The following GUCY1A2 variants were observed in gnomAD, a reference collection of about 807,000 sequenced individuals.
GUCY1A2 encodes guanylate cyclase soluble subunit alpha-2.
GUCY1A2 carries 27 observed loss-of-function variants against 63.5 expected under a neutral mutation model. The ratio of observed to expected loss-of-function variants is 0.43; its 90% CI spans 0.31 to 0.59. GUCY1A2 has a LOEUF of 0.59. Among genes scored for constraint, GUCY1A2 ranks in the 20% least tolerant of loss-of-function variants. The pLI is 0.11. For missense variants in GUCY1A2, 768 were observed against 913.3 expected (o/e 0.84, Z 2.05); for synonymous variants, 364 against 343.5 (o/e 1.06, Z -0.66).
chr11:106,983,109 T>A (rs80074842), intron 2 of GUCY1A2, among the ~76,000 whole-genome samples: 4,675 of 152,264 alleles, frequency 0.031, 86 homozygotes, highest in Middle Eastern at 0.041. Flanking sequence ...GAAGGTGGCA[T>A]GATGTAATTT....
At chr11:106,879,990 C>A (rs1859801956) in intron 4 of GUCY1A2, among the ~76,000 whole-genome samples, 1 of 151,844 alleles carries the variant, frequency 6.6e-6, no homozygotes, top group Non-Finnish European at 1.5e-5. Flanking sequence ...TAACCATACC[C>A]TTAGAATGAC....
At chr11:106,826,928 T>A in intron 4 of GUCY1A2, 5 of 1,609,776 alleles carry the variant, frequency 3.1e-6, no homozygotes, top group Non-Finnish European at 4.2e-6. Context: ...AAAGGTTCTA[T>A]ATTCGGTGTA....
At chr11:106,950,915 T>C (rs79831061) in intron 3 of GUCY1A2, among the ~76,000 whole-genome samples, 2,677 of 152,254 alleles carry the variant, frequency 0.018, 81 homozygotes, top group African/African-American at 0.061. Flanking sequence ...CAACAGGCCA[T>C]GGTGTGTGTT....
chr11:106,716,423 G>A (rs1863214321), intron 6 of GUCY1A2, among the ~76,000 whole-genome samples: 1 of 152,122 alleles, frequency 6.6e-6, no homozygotes, highest in Admixed American at 6.5e-5. Context: ...ACACAGTGCA[G>A]ACTTTATATC....
At chr11:106,892,333 T>C (rs1463970887) in intron 4 of GUCY1A2, among the ~76,000 whole-genome samples, 3 of 152,126 alleles carry the variant, frequency 2.0e-5, no homozygotes, top group Non-Finnish European at 4.4e-5. Context: ...TTTCAGATCT[T>C]TCTCTCATAT....
Position 106,810,104 on chromosome 11 carries a change from A to G in GUCY1A2, c.1581T>C (p.Ile527=). 6.2e-6 allele frequency: 10 copies of G among 1,613,920 alleles called. No individual in the cohort carries two copies. Among genetic ancestry groups the G allele is most frequent in the Non-Finnish European group, 8.5e-6 (10 of 1,179,852 alleles). Residue 527 remains isoleucine, a synonymous_variant, in exon 5 of 8, where the codon ATT becomes ATC. Transcript: ENST00000526355. ...FDDVTMLFSD[I]VGFTAICAQC... is the part of the protein sequence containing the mutation. ...GGGCACATATGGCTGTGAAGCCAAC[A>G]ATGTCTGAAAAGAGCATGGTGACAT... is the stretch of plus-strand genomic sequence containing the variant.
At chr11:106,850,443 C>G (rs1859336896) in intron 4 of GUCY1A2, among the ~76,000 whole-genome samples, 1 of 151,736 alleles carries the variant, frequency 6.6e-6, no homozygotes, top group South Asian at 2.1e-4. Context: ...ACACCAGAAC[C>G]CATTCCACCT....
At chr11:106,801,366 T>G (rs895039165) in intron 5 of GUCY1A2, among the ~76,000 whole-genome samples, 1 of 152,140 alleles carries the variant, frequency 6.6e-6, no homozygotes, top group Non-Finnish European at 1.5e-5. Context: ...CTCTGGTAAT[T>G]TGTCAAAGTT....
intron 4 of GUCY1A2, among the ~76,000 whole-genome samples, chr11:106,910,297 T>C (rs1297488935): frequency 1.3e-5 from 2 of 151,960 alleles, no homozygotes; most frequent in Non-Finnish European, 2.9e-5. Context: ...TCAAAATGCA[T>C]GTAAAGGGCC....
chr11:106,958,723 CTA>C (rs1485595643), intron 3 of GUCY1A2, among the ~76,000 whole-genome samples: 1 of 152,042 alleles, frequency 6.6e-6, no homozygotes, highest in Non-Finnish European at 1.5e-5. Context: ...AATAGGAAGT[CTA>C]TTTCAGATAA....
intron 5 of GUCY1A2, among the ~76,000 whole-genome samples, chr11:106,801,982 T>C (rs967930257): frequency 1.3e-5 from 2 of 152,180 alleles, no homozygotes; most frequent in African/African-American, 4.8e-5. Context: ...TACAAGTAAA[T>C]GTGAATTCTG....
intron 3 of GUCY1A2, among the ~76,000 whole-genome samples, chr11:106,951,810 C>T (rs1011060328): frequency 1.3e-5 from 2 of 152,100 alleles, no homozygotes; most frequent in South Asian, 4.1e-4. Context: ...AAGTCTTTGC[C>T]CATGCCAATG....
At chr11:106,756,222 AT>A in intron 6 of GUCY1A2, among the ~76,000 whole-genome samples, 1 of 152,030 alleles carries the variant, frequency 6.6e-6, no homozygotes, top group Non-Finnish European at 1.5e-5. Flanking sequence ...CCATCCCTTT[AT>A]TTTGAACCTA....
Position 106,687,472 on chromosome 11 carries a change from A to ATTGTG in GUCY1A2, c.*76_*77insCACAA. On this transcript the variant is annotated 3_prime_UTR_variant, in exon 8 of 8. Transcript: ENST00000526355. ...TCAACAAAGCAATGAAAGAGACACAATCTCTTTCCACCCCCCATTGGTGAC... is the reference window on the plus strand; with the variant it reads ...TCAACAAAGCAATGAAAGAGACACAATTGTGTCTCTTTCCACCCCCCATTGGTGAC... 1 of 1,027,446 alleles carries ATTGTG rather than the reference A, an allele frequency of 9.7e-7. No individual in the cohort carries two copies. The highest frequency in any genetic ancestry group is 1.5e-6 in the Non-Finnish European group (1 of 658,010). The allele number at this position is 1,027,446 out of a possible 1,614,324, so 63.6% of individuals were successfully genotyped here.
chr11:106,804,010 C>T (rs1416656902), intron 5 of GUCY1A2, among the ~76,000 whole-genome samples: 2 of 152,220 alleles, frequency 1.3e-5, no homozygotes, highest in Non-Finnish European at 2.9e-5. Flanking sequence ...TTATCTGTGA[C>T]TTTCACCTTA....
chr11:106,925,225 CA>C (rs1285078109), intron 4 of GUCY1A2, among the ~76,000 whole-genome samples: 3 of 151,958 alleles, frequency 2.0e-5, no homozygotes, highest in Non-Finnish European at 4.4e-5. Context: ...AGATTTCAAC[CA>C]GAAACTGAAA....
chr11:106,816,827 A>G (rs1215432922), intron 4 of GUCY1A2, among the ~76,000 whole-genome samples: 1 of 152,016 alleles, frequency 6.6e-6, no homozygotes, highest in East Asian at 1.9e-4. Context: ...AAACAGCTTT[A>G]CATTAAAAAA....
At chr11:107,015,332 C>A (rs2445114) in intron 1 of GUCY1A2, among the ~76,000 whole-genome samples, 51,351 of 151,808 alleles carry the variant, frequency 0.34, 9,678 homozygotes, top group Admixed American at 0.48. Context: ...TTCTGAAAAC[C>A]ATTCTCTGGA....
chr11:106,801,042 A>C (rs1172592706), intron 5 of GUCY1A2, among the ~76,000 whole-genome samples: 3 of 152,088 alleles, frequency 2.0e-5, no homozygotes, highest in African/African-American at 7.2e-5. Flanking sequence ...AGGATCTTCT[A>C]CTGTGCTGAA....
Sources: gnomAD v4.1 joint callset for allele counts (sites outside exome capture counted in the v4.1 genomes callset) on GRCh38, gnomAD v4.1.1 for gene constraint, MANE v1.5 for transcripts, NCBI Gene and HGNC (gene_info 2026-07-23, HGNC 2026-07-21) for gene names.